Variants in LRMDA observed in about 807,000 individuals in gnomAD.
LRMDA encodes leucine rich melanocyte differentiation associated.
A neutral mutation model predicts 29.8 loss-of-function variants in LRMDA; 18 were observed. The observed-to-expected ratio is 0.60, with a 90% CI of 0.42 to 0.90. The LOEUF (loss-of-function observed/expected upper bound fraction) is 0.90. Among genes scored for constraint, LRMDA ranks in the 40% least tolerant of loss-of-function variants. LRMDA has a pLI of 0.00. For missense variants in LRMDA, 273 were observed against 273.9 expected, an observed-to-expected ratio of 1.00 and a Z score of 0.02; for synonymous variants, 125 against 109.4, an observed-to-expected ratio of 1.14 and a Z score of -0.89.
intron 4 of LRMDA, among the ~76,000 whole-genome samples, chr10:76,049,480 A>G (rs1848495004): frequency 6.6e-6 from 1 of 152,224 alleles, no homozygotes; most frequent in African/African-American, 2.4e-5. Context: ...TGAAGAGTGG[A>G]ATGGTAGGCT....
At chr10:75,923,689 C>T (rs1174202961) in intron 2 of LRMDA, among the ~76,000 whole-genome samples, 2 of 152,120 alleles carry the variant, frequency 1.3e-5, no homozygotes, top group Admixed American at 6.5e-5. Flanking sequence ...TGGAAGAGCT[C>T]TACTTTCTCT....
Position 76,410,298 on chromosome 10 carries a change from C to CTTTTTTTTTTT in LRMDA, c.601+85831_601+85841dup, listed in dbSNP as rs1172213249. Among the ~76,000 whole-genome samples, 28 of 66,560 alleles carry CTTTTTTTTTTT rather than the reference C, an allele frequency of 4.2e-4. 1 individual carries two copies. Among genetic ancestry groups the CTTTTTTTTTTT allele is most frequent in the Non-Finnish European group, 5.6e-4 (20 of 35,968 alleles). 43.7% of individuals were successfully genotyped at this position (66,560 alleles called of 152,430 possible). A position where few individuals can be genotyped will look rare whatever the true frequency, so the allele number is the denominator to read the frequency against. On this transcript the variant is annotated intron_variant, in intron 6 of 6. Coordinates refer to ENST00000611255, the MANE Select transcript of LRMDA (RefSeq NM_001305581.2). Reference sequence around the variant, plus strand: ...GAGGCTTGGAAAAATCACTTTCTTTCTTTTTTTTTTTTTTTTTTTTTTTTT... The same window carrying CTTTTTTTTTTT: ...GAGGCTTGGAAAAATCACTTTCTTTCTTTTTTTTTTTTTTTTTTTTTTTTTTTTTTTTTTTT...
intron 5 of LRMDA, among the ~76,000 whole-genome samples, chr10:76,070,724 C>T (rs55982504): frequency 0.042 from 5,366 of 128,582 alleles, 141 homozygotes; most frequent in Non-Finnish European, 0.068. Flanking sequence ...TCTTCTGAGA[C>T]ATCTACTTCC....
intron 2 of LRMDA, among the ~76,000 whole-genome samples, chr10:75,764,802 TG>T (rs1049060444): frequency 1.8e-4 from 27 of 152,350 alleles, no homozygotes; most frequent in African/African-American, 6.5e-4. Flanking sequence ...ATTTTTCACA[TG>T]TTCCCAAAAT....
At chr10:75,433,197 A>G (rs1006225909) in intron 1 of LRMDA, among the ~76,000 whole-genome samples, 4 of 151,896 alleles carry the variant, frequency 2.6e-5, no homozygotes, top group Non-Finnish European at 5.9e-5. Flanking sequence ...TGCCCCCCAG[A>G]CCCTAGGTCT....
At chr10:76,135,837 A>G (rs1327335109) in intron 5 of LRMDA, among the ~76,000 whole-genome samples, 1 of 151,580 alleles carries the variant, frequency 6.6e-6, no homozygotes, top group Non-Finnish European at 1.5e-5. Flanking sequence ...CTTATGTTAA[A>G]TTGATCATCT....
intron 3 of LRMDA, among the ~76,000 whole-genome samples, chr10:76,043,035 C>G (rs1202560283): frequency 6.6e-6 from 1 of 151,782 alleles, no homozygotes; most frequent in Non-Finnish European, 1.5e-5. Context: ...ATTAGGAGTT[C>G]GAGACGAACC....
intron 6 of LRMDA, among the ~76,000 whole-genome samples, chr10:76,373,317 G>T (rs7907887): frequency 0.3 from 45,474 of 151,938 alleles, 8,771 homozygotes; most frequent in Non-Finnish European, 0.43. Context: ...CAGCATTGGC[G>T]ATGTGAGGAA....
At chr10:76,287,568 T>C (rs1840288188) in intron 5 of LRMDA, among the ~76,000 whole-genome samples, 2 of 152,098 alleles carry the variant, frequency 1.3e-5, no homozygotes, top group South Asian at 4.1e-4. Context: ...AAGTATTTAT[T>C]ATAATAAAAT....
intron 2 of LRMDA, among the ~76,000 whole-genome samples, chr10:75,565,082 A>G (rs1840352917): frequency 6.6e-6 from 1 of 152,186 alleles, no homozygotes; most frequent in Admixed American, 6.5e-5. Flanking sequence ...AAGGAATGGA[A>G]ATAGTCCACA....
chr10:76,537,285 C>G (rs578168626), intron 6 of LRMDA, among the ~76,000 whole-genome samples: 27 of 152,298 alleles, frequency 1.8e-4, no homozygotes, highest in Non-Finnish European at 3.1e-4. Flanking sequence ...GCTAGATGCC[C>G]TACACACGTG....
intron 2 of LRMDA, among the ~76,000 whole-genome samples, chr10:75,783,380 T>C (rs1426162057): frequency 6.6e-6 from 1 of 151,208 alleles, no homozygotes; most frequent in African/African-American, 2.4e-5. Flanking sequence ...GTTGAGTGTG[T>C]AGCACATTTT....
intron 2 of LRMDA, among the ~76,000 whole-genome samples, chr10:75,528,597 C>T (rs920218150): frequency 6.6e-6 from 1 of 152,156 alleles, no homozygotes; most frequent in Non-Finnish European, 1.5e-5. Flanking sequence ...GTTGGTCTGG[C>T]TAGATCACCT....
chr10:75,778,136 G>A (rs1843336289), intron 2 of LRMDA, among the ~76,000 whole-genome samples: 1 of 152,072 alleles, frequency 6.6e-6, no homozygotes, highest in Non-Finnish European at 1.5e-5. Flanking sequence ...GGAGTACAGT[G>A]ACGTGATCTT....
At chr10:75,662,762 G>A (rs752454405) in intron 2 of LRMDA, among the ~76,000 whole-genome samples, 2 of 152,180 alleles carry the variant, frequency 1.3e-5, no homozygotes, top group East Asian at 1.9e-4. Flanking sequence ...TGGTGAGGAC[G>A]TTCTGTAGCC....
rs116370490 is a variant in LRMDA at position 75,982,806 on chromosome 10, C to T, written c.132-53202C>T. 3.2e-3 allele frequency among the ~76,000 whole-genome samples: 480 copies of T among 152,240 alleles called. 3 individuals carry two copies. Among genetic ancestry groups the T allele is most frequent in the African/African-American group, 0.011 (452 of 41,542 alleles). On this transcript the variant is annotated intron_variant, in intron 2 of 6. Transcript: ENST00000611255. ...GAGAGAGAACTTAGAGACACAGGAC[C>T]GGGCATGAGCTTAATTCTAGCAGCT...
Position 75,636,271 on chromosome 10 carries a change from T to A in LRMDA, c.131+197777T>A, listed in dbSNP as rs577509591. 2.4e-4 allele frequency among the ~76,000 whole-genome samples: 37 copies of A among 152,344 alleles called. 3 individuals are homozygous for A. The South Asian group carries it at 5.4e-3, about 22-fold the overall frequency. On this transcript the variant is annotated intron_variant, in intron 2 of 6. Transcript: ENST00000611255. ...CTGATGCTGTCATTTAGGAGTGGTG[T>A]GGCAATTTGACCTTGAACAAATTAC...
intron 2 of LRMDA, among the ~76,000 whole-genome samples, chr10:75,971,063 C>A (rs2132438774): frequency 6.6e-6 from 1 of 152,250 alleles, no homozygotes; most frequent in African/African-American, 2.4e-5. Context: ...AGGACCCAGG[C>A]TTTTCAATCC....
At chr10:76,506,889 C>A (rs1842964515) in intron 6 of LRMDA, among the ~76,000 whole-genome samples, 2 of 151,920 alleles carry the variant, frequency 1.3e-5, no homozygotes, top group African/African-American at 4.8e-5. Context: ...GATTCCATAT[C>A]TTGGCTATGG....
Sources: gnomAD v4.1 joint callset for allele counts (sites outside exome capture counted in the v4.1 genomes callset) on GRCh38, gnomAD v4.1.1 for gene constraint, MANE v1.5 for transcripts, NCBI Gene and HGNC (gene_info 2026-07-23, HGNC 2026-07-21) for gene names.